Variants in NT5DC1 observed in about 807,000 individuals in gnomAD.
The protein encoded by NT5DC1 is 5'-nucleotidase domain-containing protein 1.
A neutral mutation model predicts 59.4 loss-of-function variants in NT5DC1; 42 were observed. That is an observed-to-expected ratio of 0.71 (90% CI 0.55 to 0.92). The LOEUF is 0.92. NT5DC1 is among the 40% of genes least tolerant of loss of function. The probability of loss-of-function intolerance (pLI) is 0.00; values close to 1 mark genes in which losing one functional copy is unlikely to be tolerated. For synonymous variants in NT5DC1, 172 were observed against 188.1 expected, an observed-to-expected ratio of 0.91 and a Z score of 0.70; for missense variants, 501 against 537.1, an observed-to-expected ratio of 0.93 and a Z score of 0.66.
At position 116,223,097 on chromosome 6, in the gene NT5DC1, C is replaced by G; in HGVS notation, c.768C>G (p.Ser256=). ...ITNALKPGFF[S]HLPSQRPFRT... ...ATGCATTGAAGCCTGGTTTCTTCTC[C>G]CACTTACCAAGTCAGAGACCTTTCC... The change falls in exon 8 of 12, where the codon TCC becomes TCG. Residue 256 remains serine, a synonymous_variant. Transcript: ENST00000319550. The G allele has an allele frequency of 6.2e-7, 1 of 1,606,636 alleles. No homozygotes were observed. Among genetic ancestry groups the G allele is most frequent in the Non-Finnish European group, 8.5e-7 (1 of 1,173,536 alleles).
At chr6:116,159,395 CAT>C (rs912841511) in intron 6 of NT5DC1, among the ~76,000 whole-genome samples, 13 of 152,302 alleles carry the variant, frequency 8.5e-5, no homozygotes, top group South Asian at 6.2e-4. Flanking sequence ...AGAATTTACA[CAT>C]GTGATTATTC....
chr6:116,182,627 T>A (rs1780910891), intron 6 of NT5DC1, among the ~76,000 whole-genome samples: 1 of 152,162 alleles, frequency 6.6e-6, no homozygotes, highest in African/African-American at 2.4e-5. Flanking sequence ...TGCATTTCCC[T>A]GATCGCTAGT....
chr6:116,233,980 T>TTG (rs1194908380), intron 8 of NT5DC1, among the ~76,000 whole-genome samples: 3 of 147,692 alleles, frequency 2.0e-5, no homozygotes. Context: ...TATAACTGTT[T>TTG]TTTTTTTTTT....
intron 6 of NT5DC1, among the ~76,000 whole-genome samples, chr6:116,147,528 A>C (rs1779929610): frequency 6.6e-6 from 1 of 152,196 alleles, no homozygotes; most frequent in Non-Finnish European, 1.5e-5. Context: ...CCTAATATAT[A>C]AGAAGTTATA....
chr6:116,196,043 C>T (rs1314180230), intron 6 of NT5DC1, among the ~76,000 whole-genome samples: 1 of 151,928 alleles, frequency 6.6e-6, no homozygotes, highest in African/African-American at 2.4e-5. Context: ...TTGGTGTTGT[C>T]GGGTTGTTAA....
chr6:116,244,147 C>T lies in NT5DC1; in HGVS notation c.*123C>T. 2.1e-6 allele frequency: 1 copy of T among 475,830 alleles called. No individual in the cohort carries two copies. The highest frequency in any genetic ancestry group is 4.2e-5 in the South Asian group (1 of 23,648). 29.5% of individuals were successfully genotyped at this position (475,830 alleles called of 1,614,324 possible). ...TATTGACCAATAAGTTGATATTTGT[C>T]CATAGGTCTCCTTTCTATAAATCAT... is the stretch of plus-strand genomic sequence containing the variant. On this transcript the variant is annotated 3_prime_UTR_variant, in exon 12 of 12. Coordinates refer to ENST00000319550, the MANE Select transcript of NT5DC1 (RefSeq NM_152729.3).
chr6:116,215,186 G>A (rs534107911), intron 6 of NT5DC1, among the ~76,000 whole-genome samples: 1 of 152,216 alleles, frequency 6.6e-6, no homozygotes, highest in South Asian at 2.1e-4. Context: ...AGCACATGAA[G>A]ATAAGATGCC....
At chr6:116,184,945 T>C (rs1047707043) in intron 6 of NT5DC1, among the ~76,000 whole-genome samples, 1 of 152,076 alleles carries the variant, frequency 6.6e-6, no homozygotes, top group African/African-American at 2.4e-5. Context: ...CTTATTTCTC[T>C]AGCTCCTTGA....
intron 6 of NT5DC1, among the ~76,000 whole-genome samples, chr6:116,157,449 A>G (rs1325135841): frequency 1.3e-5 from 2 of 152,254 alleles, no homozygotes; most frequent in East Asian, 1.9e-4. Flanking sequence ...AGTTGAAACT[A>G]TGTTGAAAAA....
At chr6:116,167,891 ATTC>A (rs1780511011) in intron 6 of NT5DC1, among the ~76,000 whole-genome samples, 1 of 152,134 alleles carries the variant, frequency 6.6e-6, no homozygotes, top group Non-Finnish European at 1.5e-5. Context: ...TTTCACTTTC[ATTC>A]TTAGAGAATA....
At chr6:116,175,382 G>C (rs1463334366) in intron 6 of NT5DC1, among the ~76,000 whole-genome samples, 1 of 152,000 alleles carries the variant, frequency 6.6e-6, no homozygotes, top group Non-Finnish European at 1.5e-5. Flanking sequence ...TTAATAGTTT[G>C]ACTATGATGT....
chr6:116,155,771 A>G (rs1049156368), intron 6 of NT5DC1, among the ~76,000 whole-genome samples: 2 of 151,616 alleles, frequency 1.3e-5, no homozygotes, highest in African/African-American at 4.8e-5. Flanking sequence ...AAAAAAAAAA[A>G]AGAGGGAGGA....
Position 116,100,881 on chromosome 6 carries a change from T to A in NT5DC1, c.-50T>A. The A allele has an allele frequency of 7.0e-7, 1 of 1,435,382 alleles. No individual in the cohort carries two copies. Among genetic ancestry groups the A allele is most frequent in the Non-Finnish European group, 9.6e-7 (1 of 1,046,082 alleles). 88.9% of individuals were successfully genotyped at this position (1,435,382 alleles called of 1,614,324 possible). On this transcript the variant is annotated 5_prime_UTR_variant, in exon 1 of 12. Coordinates refer to ENST00000319550, the MANE Select transcript of NT5DC1 (RefSeq NM_152729.3). ...GTCCCGCAGCGTCCCGCCAGCCAGCTCCTTGCACCCTTCGCGGCCGAGGCG... is the reference window on the plus strand; with the variant it reads ...GTCCCGCAGCGTCCCGCCAGCCAGCACCTTGCACCCTTCGCGGCCGAGGCG...
chr6:116,205,399 A>C (rs1305513592), intron 6 of NT5DC1, among the ~76,000 whole-genome samples: 1 of 151,934 alleles, frequency 6.6e-6, no homozygotes, highest in East Asian at 1.9e-4. Flanking sequence ...CACATATCTT[A>C]CTTGAGTAAT....
chr6:116,229,704 T>C (rs575863034), intron 8 of NT5DC1, among the ~76,000 whole-genome samples: 11 of 152,308 alleles, frequency 7.2e-5, no homozygotes, highest in African/African-American at 2.6e-4. Context: ...GTGTCAGCCT[T>C]GTTCACCGCA....
intron 6 of NT5DC1, among the ~76,000 whole-genome samples, chr6:116,220,190 C>A (rs1357598935): frequency 8.6e-6 from 1 of 116,394 alleles, no homozygotes; most frequent in East Asian, 3.0e-4. Flanking sequence ...AAAGTAAAAT[C>A]TTGAATCCTT....
In NT5DC1 at chr6:116,244,281, A is replaced by G; in HGVS notation, c.*257A>G. 1 of 251,480 alleles carries G rather than the reference A, an allele frequency of 4.0e-6. No individual in the cohort carries two copies. 15.6% of individuals were successfully genotyped at this position (251,480 alleles called of 1,614,324 possible). The stretch of plus-strand genomic sequence containing the variant: ...TTGTGATTAGAATTCACCTGGGGAC[A>G]CACACTCACACGCACAGTCACTCTT... On this transcript the variant is annotated 3_prime_UTR_variant, in exon 12 of 12. Transcript: ENST00000319550.
intron 6 of NT5DC1, chr6:116,121,100 G>T (rs373185008): frequency 6.2e-7 from 1 of 1,613,872 alleles, no homozygotes; most frequent in Non-Finnish European, 8.5e-7. Flanking sequence ...ATTCCCAGGG[G>T]GTCCAGTCAG....
At chr6:116,177,736 AATAAT>A (rs1582854563) in intron 6 of NT5DC1, among the ~76,000 whole-genome samples, 1 of 151,996 alleles carries the variant, frequency 6.6e-6, no homozygotes, top group East Asian at 1.9e-4. Flanking sequence ...TAAGTAATTA[AATAAT>A]AATATTCTAA....
Sources: allele counts gnomAD v4.1 joint callset (sites outside exome capture counted in the v4.1 genomes callset), GRCh38; gene constraint gnomAD v4.1.1; transcripts MANE v1.5; gene names NCBI Gene and HGNC (gene_info 2026-07-23, HGNC 2026-07-21).